YIPF7: variants seen among roughly 807,000 people sequenced by gnomAD.
YIPF7 encodes the protein Yip1 domain family member 7, also known as protein YIPF7.
YIPF7 carries 35 observed loss-of-function variants against 27.2 expected under a neutral mutation model. That is an observed-to-expected ratio of 1.29 (90% CI 0.98 to 1.70). The LOEUF (loss-of-function observed/expected upper bound fraction) is 1.70. YIPF7 is among the 40% of genes most tolerant of loss of function. The pLI is 0.00. For missense variants in YIPF7, 358 were observed against 303.7 expected, an observed-to-expected ratio of 1.18 and a Z score of -1.33; for synonymous variants, 137 against 110.4, an observed-to-expected ratio of 1.24 and a Z score of -1.51.
chr4:44,636,113 C>A (rs778765154), intron 2 of YIPF7, 28 bp from the exon 3 acceptor site: 1 of 1,571,400 alleles, frequency 6.4e-7, no homozygotes, highest in Admixed American at 1.8e-5. Context: ...CAAACATTTA[C>A]ATGTCTAAGA....
At chr4:44,634,360 C>A (rs1353644425) in intron 3 of YIPF7, among the ~76,000 whole-genome samples, 1 of 152,058 alleles carries the variant, frequency 6.6e-6, no homozygotes, top group East Asian at 1.9e-4. Context: ...TGGCAAAGCC[C>A]TGTCTCTACT....
chr4:44,641,964 T>C (rs965170482), intron 2 of YIPF7, among the ~76,000 whole-genome samples: 2 of 152,194 alleles, frequency 1.3e-5, no homozygotes, highest in African/African-American at 4.8e-5. Flanking sequence ...GCTTTTTTAT[T>C]GATAAAAATC....
In YIPF7 at chr4:44,622,578, T is replaced by G. The variant is rs1577730257; in HGVS notation, c.609-2A>C. 1 of 1,612,212 alleles carries G rather than the reference T, an allele frequency of 6.2e-7. No individual in the cohort carries two copies. The highest frequency in any genetic ancestry group is 2.2e-5 in the East Asian group (1 of 44,844). On this transcript the variant is annotated splice_acceptor_variant, in intron 5 of 5. Transcript: ENST00000415895. LOFTEE classifies it high-confidence loss of function. ...GATGACATGATTCCAAAGATGCCCC[T>G]GCAGCAAAGACAAAGAAATGATTGC...
chr4:44,627,310 C>T (rs1712696754), intron 4 of YIPF7, among the ~76,000 whole-genome samples: 1 of 152,128 alleles, frequency 6.6e-6, no homozygotes, highest in South Asian at 2.1e-4. Context: ...GGTTTGTCTC[C>T]TTTCGCCTGA....
At chr4:44,650,174 A>ACATTGTCATTTGATCTTTGT in intron 1 of YIPF7, 73 bp from the exon 2 acceptor site, 1 of 876,276 alleles carries the variant, frequency 1.1e-6, no homozygotes, top group Non-Finnish European at 1.9e-6. Context: ...TACAAACATC[A>ACATTGTCATTTGATCTTTGT]AATGACAATG....
At chr4:44,648,509 A>C (rs1049391693) in intron 2 of YIPF7, among the ~76,000 whole-genome samples, 1 of 152,128 alleles carries the variant, frequency 6.6e-6, no homozygotes, top group African/African-American at 2.4e-5. Flanking sequence ...ACAGTTCCTA[A>C]CATATAATAA....
intron 3 of YIPF7, among the ~76,000 whole-genome samples, chr4:44,635,271 C>T (rs1713075435): frequency 6.6e-6 from 1 of 151,950 alleles, no homozygotes; most frequent in African/African-American, 2.4e-5. Flanking sequence ...ACAGCACATA[C>T]AGACTGGCTA....
intron 1 of YIPF7, among the ~76,000 whole-genome samples, chr4:44,661,982 CTCTT>C (rs1210352771): frequency 6.6e-6 from 1 of 152,180 alleles, no homozygotes; most frequent in Non-Finnish European, 1.5e-5. Context: ...CTCTTTAATG[CTCTT>C]TCTTTCTTGT....
chr4:44,651,516 T>C (rs1713737688), intron 1 of YIPF7, 38 bp downstream of exon 1: 1 of 1,461,686 alleles, frequency 6.8e-7, no homozygotes, highest in Non-Finnish European at 9.3e-7. Context: ...TTGTATTTTG[T>C]TTAAATGCCA....
intron 3 of YIPF7, among the ~76,000 whole-genome samples, chr4:44,631,132 G>A (rs1470293079): frequency 6.6e-6 from 1 of 152,126 alleles, no homozygotes; most frequent in Non-Finnish European, 1.5e-5. Context: ...TTTGTCTGAA[G>A]ACACAAAGCA....
intron 2 of YIPF7, among the ~76,000 whole-genome samples, chr4:44,641,936 G>T (rs1270506906): frequency 6.6e-6 from 1 of 152,092 alleles, no homozygotes; most frequent in Non-Finnish European, 1.5e-5. Flanking sequence ...AAACAAATTA[G>T]CAATAGGAAT....
At chr4:44,654,846 C>T (rs1713839140), upstream of YIPF7, among the ~76,000 whole-genome samples, 1 of 152,000 alleles carries the variant, frequency 6.6e-6, no homozygotes, top group Non-Finnish European at 1.5e-5. Context: ...TCACCATTTT[C>T]TCCCACTTAT....
chr4:44,641,641 A>G (rs1325313149), intron 2 of YIPF7, among the ~76,000 whole-genome samples: 1 of 152,204 alleles, frequency 6.6e-6, no homozygotes, highest in Non-Finnish European at 1.5e-5. Context: ...GTTAATCTTA[A>G]TATGAAATCT....
At chr4:44,643,525 C>T (rs947674299) in intron 2 of YIPF7, among the ~76,000 whole-genome samples, 1 of 152,070 alleles carries the variant, frequency 6.6e-6, no homozygotes, top group Non-Finnish European at 1.5e-5. Context: ...AGGCTACAAA[C>T]AATTGCATAA....
chr4:44,622,417 G>A lies in YIPF7; in HGVS notation c.768C>T (p.Phe256=). 3.7e-6 allele frequency: 6 copies of A among 1,610,750 alleles called. No homozygotes were observed. Among genetic ancestry groups the A allele is most frequent in the Non-Finnish European group, 5.1e-6 (6 of 1,178,630 alleles). The part of the protein sequence containing the change: ...LYGLFALLTI[F] ...GAAATGCCATCTCAAACATTCTTTA[G>A]AAAATTGTTAGGAGGGCAAAAAGTC... The change falls in exon 6 of 6, where the codon TTC becomes TTT. Residue 256 remains phenylalanine (F), a synonymous_variant. Coordinates refer to ENST00000415895, the MANE Select transcript of YIPF7 (RefSeq NM_182592.3).
chr4:44,632,319 A>C (rs1415877891), intron 3 of YIPF7, among the ~76,000 whole-genome samples: 1 of 152,236 alleles, frequency 6.6e-6, no homozygotes, highest in Non-Finnish European at 1.5e-5. Context: ...AAAGTATATG[A>C]TACATATGCT....
chr4:44,650,951 T>C (rs961229796), intron 1 of YIPF7, among the ~76,000 whole-genome samples: 1 of 152,232 alleles, frequency 6.6e-6, no homozygotes, highest in Non-Finnish European at 1.5e-5. Flanking sequence ...TCTTTTCAAC[T>C]GGACAAATGT....
Position 44,629,567 on chromosome 4 carries a change from A to C in YIPF7, c.281-19T>G. On this transcript the variant is annotated intron_variant, in intron 3 of 5. Coordinates refer to ENST00000415895, the MANE Select transcript of YIPF7 (RefSeq NM_182592.3). Reference sequence around the variant, plus strand: ...CCAAGTTCTGTAAAAAGGAAAAAAGATAAATAATATGATAACATAAATATA... The same window carrying C: ...CCAAGTTCTGTAAAAAGGAAAAAAGCTAAATAATATGATAACATAAATATA... 6.7e-7 allele frequency: 1 copy of C among 1,495,414 alleles called. No individual in the cohort carries two copies. The highest frequency in any genetic ancestry group is 9.0e-7 in the Non-Finnish European group (1 of 1,115,340). 92.6% of individuals were successfully genotyped at this position (1,495,414 alleles called of 1,614,324 possible). A position where few individuals can be genotyped will look rare whatever the true frequency, so the allele number is the denominator to read the frequency against.
At chr4:44,625,879 G>A (rs921152024) in intron 4 of YIPF7, among the ~76,000 whole-genome samples, 10 of 152,216 alleles carry the variant, frequency 6.6e-5, no homozygotes, top group African/African-American at 2.4e-4. Flanking sequence ...ATAACTTCTA[G>A]ATAAAAGTTG....
Sources: allele counts gnomAD v4.1 joint callset (sites outside exome capture counted in the v4.1 genomes callset), GRCh38; gene constraint gnomAD v4.1.1; transcripts MANE v1.5; gene names NCBI Gene and HGNC (gene_info 2026-07-23, HGNC 2026-07-21).